The following ANKRD36C variants were observed in gnomAD, a reference collection of about 807,000 sequenced individuals.
ANKRD36C encodes the protein ankyrin repeat domain-containing protein 36C.
In ANKRD36C, 61 loss-of-function variants were observed where a neutral mutation model predicts 276.4. The ratio of observed to expected loss-of-function variants is 0.22; its 90% CI spans 0.18 to 0.27. The LOEUF is 0.27. ANKRD36C is among the 10% of genes least tolerant of loss of function. The pLI is 1.00. For synonymous variants in ANKRD36C, 483 were observed against 680.1 expected (o/e 0.71, Z 4.51); for missense variants, 1,447 against 2,032.3 (o/e 0.71, Z 5.54).
At chr2:95,910,608 T>C (rs1442321279) in intron 42 of ANKRD36C, 40 bp from the exon 45 acceptor site, 3 of 1,602,902 alleles carry the variant, frequency 1.9e-6, no homozygotes, top group Admixed American at 1.7e-5. Flanking sequence ...CATATGTAAA[T>C]ATGACAAAGA....
intron 32 of ANKRD36C, among the ~76,000 whole-genome samples, chr2:95,922,517 T>A (rs186496557): frequency 1.1e-3 from 160 of 151,722 alleles, no homozygotes; most frequent in Non-Finnish European, 1.8e-3. Flanking sequence ...TCATCAATTA[T>A]CAATTTTGAC....
intron 42 of ANKRD36C, 140 bp from the exon 45 acceptor site, chr2:95,910,708 G>C: frequency 6.8e-7 from 1 of 1,479,588 alleles, no homozygotes; most frequent in South Asian, 1.2e-5. Flanking sequence ...TGTGTCTGGG[G>C]ACTAGAACAT....
chr2:95,964,171 C>A (rs2104511177), intron 6 of ANKRD36C, among the ~76,000 whole-genome samples: 1 of 146,418 alleles, frequency 6.8e-6, no homozygotes, highest in Non-Finnish European at 1.5e-5. Flanking sequence ...GCCAACACAG[C>A]TTTCCTAAAG....
At chr2:95,987,914 T>C (rs951271692) in intron 1 of ANKRD36C, among the ~76,000 whole-genome samples, 4 of 152,142 alleles carry the variant, frequency 2.6e-5, no homozygotes, top group African/African-American at 9.6e-5. Context: ...ACTATTCTCT[T>C]ATATAAGCTA....
rs1024727459 is a variant in ANKRD36C, at chr2:95,944,820, A to T, written c.1424-126T>A. ...TGGGGGGCCGATGCAGGCAGATCAT[A>T]TGAGGTCAGGTGTTCAAGACCAGCC... On this transcript the variant is annotated intron_variant, in intron 18 of 66. Transcript: ENST00000456556. The T allele has an allele frequency of 8.6e-6, 8 of 931,490 alleles. No individual in the cohort carries two copies. In the African/African-American group the frequency reaches 2.5e-4, roughly 29 times the overall value. 57.7% of individuals were successfully genotyped at this position (931,490 alleles called of 1,614,324 possible). A position where few individuals can be genotyped will look rare whatever the true frequency, so the allele number is the denominator to read the frequency against.
chr2:95,885,989 G>A, intron 52 of ANKRD36C, 59 bp downstream of exon 72: 1 of 1,566,600 alleles, frequency 6.4e-7, no homozygotes, highest in Non-Finnish European at 8.7e-7. Flanking sequence ...ATTTATTTGG[G>A]GAAGTGAATT....
At chr2:95,972,791 C>CA (rs1348785933) in intron 6 of ANKRD36C, among the ~76,000 whole-genome samples, 4 of 151,614 alleles carry the variant, frequency 2.6e-5, no homozygotes, top group African/African-American at 4.9e-5. Context: ...ATAATTATGC[C>CA]AAAAAATAAT....
At chr2:95,989,461 C>T (rs1225732766) in intron 1 of ANKRD36C, among the ~76,000 whole-genome samples, 2 of 151,944 alleles carry the variant, frequency 1.3e-5, no homozygotes, top group African/African-American at 4.8e-5. Flanking sequence ...CAGAGTACAT[C>T]TTCACACCTC....
At chr2:95,921,996 G>A (rs752482282) in intron 32 of ANKRD36C, among the ~76,000 whole-genome samples, 186 bp from the exon 33 acceptor site, 11 of 151,568 alleles carry the variant, frequency 7.3e-5, no homozygotes, top group Non-Finnish European at 1.5e-4. Context: ...GATGTGTCAC[G>A]ATATATTCCT....
chr2:95,885,931 C>A, intron 52 of ANKRD36C, 117 bp downstream of exon 72: 2 of 1,538,598 alleles, frequency 1.3e-6, no homozygotes, highest in South Asian at 1.2e-5. Flanking sequence ...AATGAAGAAT[C>A]TCAAGCATGC....
At chr2:95,989,582 G>A (rs908001800) in intron 1 of ANKRD36C, among the ~76,000 whole-genome samples, 1 of 151,462 alleles carries the variant, frequency 6.6e-6, no homozygotes, top group African/African-American at 2.4e-5. Flanking sequence ...CATTATAAGG[G>A]GTTTTCCAAA....
intron 5 of ANKRD36C, among the ~76,000 whole-genome samples, chr2:95,978,479 A>G (rs889516668): frequency 1.3e-5 from 2 of 152,102 alleles, no homozygotes; most frequent in African/African-American, 4.8e-5. Flanking sequence ...CTCTATAGCC[A>G]ACAGGTATTT....
chr2:95,963,988 T>TATAA (rs1678527070), intron 6 of ANKRD36C, among the ~76,000 whole-genome samples: 14 of 19,532 alleles, frequency 7.2e-4, no homozygotes, highest in Non-Finnish European at 1.1e-3. Context: ...TATATATATA[T>TATAA]ATATATATAT....
intron 6 of ANKRD36C, among the ~76,000 whole-genome samples, chr2:95,976,836 T>G (rs944127288): frequency 6.6e-6 from 1 of 151,952 alleles, no homozygotes; most frequent in African/African-American, 2.4e-5. Flanking sequence ...GAATTCATAC[T>G]CCCTCCTTAA....
intron 59 of ANKRD36C, among the ~76,000 whole-genome samples, chr2:95,875,556 G>A (rs1675929858): frequency 6.7e-6 from 1 of 149,544 alleles, no homozygotes; most frequent in South Asian, 2.2e-4. Context: ...GGGAGGGATA[G>A]CATTAGGAGA....
At chr2:95,858,454 T>A (rs1675478028) in intron 61 of ANKRD36C, among the ~76,000 whole-genome samples, 1 of 152,206 alleles carries the variant, frequency 6.6e-6, no homozygotes, top group Non-Finnish European at 1.5e-5. Context: ...TAAGTTTCTA[T>A]TACTAGTAAC....
At chr2:95,989,059 C>T (rs1200955289) in intron 1 of ANKRD36C, among the ~76,000 whole-genome samples, 2 of 152,174 alleles carry the variant, frequency 1.3e-5, no homozygotes, top group Non-Finnish European at 2.9e-5. Context: ...ATCCCAGCTA[C>T]TCAGGAGGCT....
chr2:95,888,111 T>A, exon 49 of ANKRD36C: 2 of 1,609,104 alleles, frequency 1.2e-6, no homozygotes, highest in Non-Finnish European at 1.7e-6. Flanking sequence ...TGGTTGTTTC[T>A]GAGAAGACAC....
chr2:95,977,319 C>T (rs1257786786), intron 6 of ANKRD36C, among the ~76,000 whole-genome samples: 3 of 152,110 alleles, frequency 2.0e-5, no homozygotes, highest in African/African-American at 7.2e-5. Context: ...ATTTCTACTG[C>T]CACCAAATAA....
Sources: gnomAD v4.1 joint callset for allele counts (sites outside exome capture counted in the v4.1 genomes callset) on GRCh38, gnomAD v4.1.1 for gene constraint, MANE v1.5 for transcripts, NCBI Gene and HGNC (gene_info 2026-07-23, HGNC 2026-07-21) for gene names.